NDFIP1: variants seen among roughly 807,000 people sequenced by gnomAD.
NDFIP1 encodes NEDD4 family-interacting protein 1.
Under a neutral mutation model 28.8 loss-of-function variants are expected in NDFIP1, and 7 were observed. That is an observed-to-expected ratio of 0.24 (90% CI 0.14 to 0.46). The LOEUF is 0.46. NDFIP1 is among the 20% of genes least tolerant of loss of function. NDFIP1 has a pLI of 0.99. For missense variants in NDFIP1, 194 were observed against 269.1 expected, an observed-to-expected ratio of 0.72 and a Z score of 1.95; for synonymous variants, 92 against 101.0, an observed-to-expected ratio of 0.91 and a Z score of 0.53.
At chr5:142,114,608 A>G (rs1027936007) in intron 1 of NDFIP1, among the ~76,000 whole-genome samples, 2 of 152,256 alleles carry the variant, frequency 1.3e-5, no homozygotes, top group Non-Finnish European at 2.9e-5. Flanking sequence ...CGAATCCTAG[A>G]AATCATATAT....
At chr5:142,144,538 A>G (rs764190057) in intron 6 of NDFIP1, 33 bp from the exon 7 acceptor site, 7 of 1,489,100 alleles carry the variant, frequency 4.7e-6, no homozygotes, top group Non-Finnish European at 6.5e-6. Context: ...TGGAAATTAT[A>G]AATTCATTCA....
chr5:142,118,013 G>A (rs923972733), intron 1 of NDFIP1, among the ~76,000 whole-genome samples: 1 of 152,010 alleles, frequency 6.6e-6, no homozygotes, highest in Non-Finnish European at 1.5e-5. Context: ...GGGACCACAG[G>A]CACACGCCAG....
intron 3 of NDFIP1, among the ~76,000 whole-genome samples, 188 bp downstream of exon 3, chr5:142,132,530 A>G (rs1757238101): frequency 6.6e-6 from 1 of 152,242 alleles, no homozygotes; most frequent in African/African-American, 2.4e-5. Flanking sequence ...GTAAATTACT[A>G]GTCAGACCTG....
intron 3 of NDFIP1, 76 bp from the exon 4 acceptor site, chr5:142,135,654 G>C (rs1453637583): frequency 4.7e-6 from 6 of 1,272,430 alleles, no homozygotes; most frequent in Non-Finnish European, 5.7e-6. Context: ...TTTTTTCCTT[G>C]CTACTCAAAT....
intron 1 of NDFIP1, among the ~76,000 whole-genome samples, chr5:142,121,507 C>T (rs760602564): frequency 6.6e-6 from 1 of 152,150 alleles, no homozygotes; most frequent in African/African-American, 2.4e-5. Context: ...TCATAGCAAT[C>T]TTTTTTGAAA....
At chr5:142,134,404 A>G (rs1266913785) in intron 3 of NDFIP1, among the ~76,000 whole-genome samples, 1 of 152,224 alleles carries the variant, frequency 6.6e-6, no homozygotes, top group Non-Finnish European at 1.5e-5. Context: ...GCTGATACGA[A>G]GTAAGAATAC....
chr5:142,151,724 C>G lies in NDFIP1; in HGVS notation c.*3-7C>G, dbSNP rs1271062617. ...GAGTTTCAATATTCAATATCCTTCT[C>G]TGGCAGATGTTTTCTGGCAAAGGCC... On this transcript the variant is annotated splice_polypyrimidine_tract_variant and splice_region_variant and intron_variant, in intron 7 of 7. Transcript: ENST00000253814. 6.5e-6 allele frequency: 1 copy of G among 152,674 alleles called. No individual in the cohort carries two copies. Among genetic ancestry groups the G allele is most frequent in the Non-Finnish European group, 1.5e-5 (1 of 68,034 alleles). 9.5% of individuals were successfully genotyped at this position (152,674 alleles called of 1,614,324 possible). A position where few individuals can be genotyped will look rare whatever the true frequency, so the allele number is the denominator to read the frequency against.
At chr5:142,143,740 C>T (rs1757359411) in intron 6 of NDFIP1, 1 of 152,092 alleles carries the variant, frequency 6.6e-6, no homozygotes, top group African/African-American at 2.4e-5. Context: ...GTGGTTGACA[C>T]CTATAATCCC....
At position 142,129,440 on chromosome 5, in the gene NDFIP1, A is replaced by G. The variant is rs560953168; in HGVS notation, c.64-2368A>G. Reference sequence around the variant, plus strand: ...AATTATCTTAGGTTATAATACAGCTATTTTGGGAGTACCTTAAGTTTAACA... The same window carrying G: ...AATTATCTTAGGTTATAATACAGCTGTTTTGGGAGTACCTTAAGTTTAACA... On this transcript the variant is annotated intron_variant, in intron 1 of 7. Coordinates refer to ENST00000253814, the MANE Select transcript of NDFIP1 (RefSeq NM_030571.4). 8.5e-5 allele frequency among the ~76,000 whole-genome samples: 13 copies of G among 152,302 alleles called. No homozygotes were observed. In the South Asian group the frequency reaches 2.7e-3, roughly 32 times the overall value.
chr5:142,121,010 A>G (rs1311977011), intron 1 of NDFIP1, among the ~76,000 whole-genome samples: 1 of 152,218 alleles, frequency 6.6e-6, no homozygotes, highest in African/African-American at 2.4e-5. Context: ...ACTTCTCACT[A>G]TCAGAGCTGA....
At chr5:142,117,486 C>T (rs1471865954) in intron 1 of NDFIP1, among the ~76,000 whole-genome samples, 1 of 152,006 alleles carries the variant, frequency 6.6e-6, no homozygotes, top group African/African-American at 2.4e-5. Context: ...CGTGATCCAC[C>T]CGCCTCCATC....
At chr5:142,114,927 T>C (rs1441301831) in intron 1 of NDFIP1, among the ~76,000 whole-genome samples, 1 of 152,228 alleles carries the variant, frequency 6.6e-6, no homozygotes, top group African/African-American at 2.4e-5. Context: ...TCATACTATC[T>C]GTGTCCTGAA....
rs372797852 is a variant in NDFIP1, at chr5:142,135,711, T to C, written c.283-19T>C. The stretch of plus-strand genomic sequence containing the variant: ...TGTCTTCCCTTTGCCTAGAAATAAT[T>C]CTTTTTCTTTTCATTTAGGATGAGG... On this transcript the variant is annotated intron_variant, in intron 3 of 7. Coordinates refer to ENST00000253814, the MANE Select transcript of NDFIP1 (RefSeq NM_030571.4). 1 of 1,603,242 alleles carries C rather than the reference T, an allele frequency of 6.2e-7. No homozygotes were observed. The highest frequency in any genetic ancestry group is 1.3e-5 in the African/African-American group (1 of 74,726).
intron 1 of NDFIP1, among the ~76,000 whole-genome samples, chr5:142,116,648 A>G (rs1757071961): frequency 6.6e-6 from 1 of 152,024 alleles, no homozygotes; most frequent in African/African-American, 2.4e-5. Context: ...GGTGTGAGCC[A>G]CCATGCCCAG....
chr5:142,146,638 G>A (rs997503537), intron 7 of NDFIP1, among the ~76,000 whole-genome samples: 3 of 152,152 alleles, frequency 2.0e-5, no homozygotes, highest in African/African-American at 7.2e-5. Flanking sequence ...CAATTCTGTA[G>A]GTGTAGTCTA....
chr5:142,113,315 C>T (rs1419827760), intron 1 of NDFIP1, among the ~76,000 whole-genome samples: 1 of 152,128 alleles, frequency 6.6e-6, no homozygotes, highest in Admixed American at 6.5e-5. Flanking sequence ...TAGGTCAAAC[C>T]ATATTCATGT....
intron 1 of NDFIP1, among the ~76,000 whole-genome samples, chr5:142,126,560 T>G (rs1185379957): frequency 2.0e-5 from 3 of 152,218 alleles, no homozygotes; most frequent in Non-Finnish European, 1.5e-5. Flanking sequence ...GAGGTGTATG[T>G]TGATACCTTT....
intron 3 of NDFIP1, among the ~76,000 whole-genome samples, 189 bp from the exon 4 acceptor site, chr5:142,135,541 G>T (rs1210045099): frequency 6.6e-6 from 1 of 152,138 alleles, no homozygotes; most frequent in Non-Finnish European, 1.5e-5. Flanking sequence ...ATAGAAGAAA[G>T]ATTTGCTTCT....
intron 1 of NDFIP1, among the ~76,000 whole-genome samples, chr5:142,123,325 G>T (rs1757139529): frequency 6.6e-6 from 1 of 151,624 alleles, no homozygotes; most frequent in Non-Finnish European, 1.5e-5. Flanking sequence ...TAAGAGGCAG[G>T]GTCTTGCTAT....
Sources: allele counts gnomAD v4.1 joint callset (sites outside exome capture counted in the v4.1 genomes callset), GRCh38; gene constraint gnomAD v4.1.1; transcripts MANE v1.5; gene names NCBI Gene and HGNC (gene_info 2026-07-23, HGNC 2026-07-21).